The following EIF2AK4 variants were observed in gnomAD, a reference collection of about 807,000 sequenced individuals.
The protein encoded by EIF2AK4 is eukaryotic translation initiation factor 2 alpha kinase 4, also known as eIF-2-alpha kinase GCN2.
Under a neutral mutation model 211.1 loss-of-function variants are expected in EIF2AK4, and 139 were observed. The observed-to-expected ratio is 0.66, with a 90% CI of 0.57 to 0.76. The LOEUF is 0.76. Ranked by LOEUF, EIF2AK4 falls within the 30% of genes least tolerant of loss-of-function variation. EIF2AK4 has a pLI of 0.00. For missense variants in EIF2AK4, 1,664 were observed against 2,043.8 expected, an observed-to-expected ratio of 0.81 and a Z score of 3.58; for synonymous variants, 710 against 751.3, an observed-to-expected ratio of 0.94 and a Z score of 0.90.
intron 32 of EIF2AK4, among the ~76,000 whole-genome samples, chr15:40,024,103 GAATT>G (rs1207759186): frequency 6.6e-6 from 1 of 152,130 alleles, no homozygotes; most frequent in Non-Finnish European, 1.5e-5. Flanking sequence ...TCTTCTTGAT[GAATT>G]GTCTTCATCA....
chr15:39,999,453 A>C (rs2035063737), intron 20 of EIF2AK4, among the ~76,000 whole-genome samples: 3 of 152,192 alleles, frequency 2.0e-5, no homozygotes, highest in South Asian at 2.1e-4. Context: ...ACTTACTGAC[A>C]ATTATAATCA....
In EIF2AK4 at chr15:40,035,132, C is replaced by A. The variant is rs754900427; in HGVS notation, c.*48C>A. ...TCATTCAAACAGACAGAGGCTTATA[C>A]TGGAATAATGGAATGTTGTACATTC... On this transcript the variant is annotated 3_prime_UTR_variant, in exon 39 of 39. Transcript: ENST00000263791. The A allele has an allele frequency of 7.5e-7, 1 of 1,331,446 alleles. No homozygotes were observed. Among genetic ancestry groups the A allele is most frequent in the East Asian group, 2.4e-5 (1 of 42,246 alleles). The allele number at this position is 1,331,446 out of a possible 1,614,324, so 82.5% of individuals were successfully genotyped here.
intron 7 of EIF2AK4, among the ~76,000 whole-genome samples, chr15:39,964,484 T>A (rs1421890890): frequency 6.6e-6 from 1 of 152,176 alleles, no homozygotes; most frequent in Non-Finnish European, 1.5e-5. Flanking sequence ...TATTGGCATC[T>A]AGTGGGTAGA....
At position 40,034,461 on chromosome 15, in the gene EIF2AK4, G is replaced by C; in HGVS notation, c.4892+17G>C. ...AGAAAAAAAGTAAGTTATCACTTGG[G>C]CATAGCAGGGTTCACATGGTTAAAA... On this transcript the variant is annotated intron_variant, in intron 38 of 38. Coordinates refer to ENST00000263791, the MANE Select transcript of EIF2AK4 (RefSeq NM_001013703.4). 2 of 1,586,964 alleles carry C rather than the reference G, an allele frequency of 1.3e-6. No homozygotes were observed. The highest frequency in any genetic ancestry group is 1.7e-6 in the Non-Finnish European group (2 of 1,155,790).
At chr15:40,021,832 C>T (rs1191764679) in intron 31 of EIF2AK4, 1 of 152,434 alleles carries the variant, frequency 6.6e-6, no homozygotes, top group Non-Finnish European at 1.5e-5. Flanking sequence ...CACAGACCCA[C>T]CACCCTCCCA....
intron 18 of EIF2AK4, among the ~76,000 whole-genome samples, chr15:39,995,216 G>T (rs1012796870): frequency 6.6e-6 from 1 of 152,098 alleles, no homozygotes; most frequent in African/African-American, 2.4e-5. Flanking sequence ...TGAGTGGTGG[G>T]ATCATGAGAT....
chr15:40,035,037 CTAT>C lies in EIF2AK4; in HGVS notation c.4905_4907del (p.Phe1636del). 1 of 1,582,288 alleles carries C rather than the reference CTAT, an allele frequency of 6.3e-7. No homozygotes were observed. Among genetic ancestry groups the C allele is most frequent in the Non-Finnish European group, 8.6e-7 (1 of 1,165,396 alleles). ...TCTTTTCTTTTGCAGGGTGTCTGTGCTATTTCTGTACAGCTATAGAGATGACTA... is the reference window on the plus strand; with the variant it reads ...TCTTTTCTTTTGCAGGGTGTCTGTGCTTCTGTACAGCTATAGAGATGACTA... On this transcript the variant is annotated inframe_deletion, in exon 39 of 39. Transcript: ENST00000263791.
At chr15:39,956,889 G>C (rs1390227076) in intron 6 of EIF2AK4, among the ~76,000 whole-genome samples, 1 of 152,086 alleles carries the variant, frequency 6.6e-6, no homozygotes, top group Non-Finnish European at 1.5e-5. Flanking sequence ...TTATTAGAAG[G>C]AGCCATTTTA....
At chr15:40,022,365 G>T (rs1432038118) in intron 31 of EIF2AK4, 154 bp from the exon 32 acceptor site, 5 of 614,782 alleles carry the variant, frequency 8.1e-6, no homozygotes, top group African/African-American at 1.9e-5. Flanking sequence ...ATTCTATGCG[G>T]CTTCTTGCTT....
At chr15:39,943,349 CTCT>C in intron 2 of EIF2AK4, 31 bp from the exon 3 acceptor site, 4 of 1,117,316 alleles carry the variant, frequency 3.6e-6, no homozygotes, top group Non-Finnish European at 3.7e-6. Flanking sequence ...TCTGGAGTAA[CTCT>C]TTTTTTTTTT....
intron 4 of EIF2AK4, among the ~76,000 whole-genome samples, chr15:39,952,294 CTTT>C (rs5812148): frequency 9.4e-5 from 12 of 127,960 alleles, no homozygotes; most frequent in Non-Finnish European, 1.0e-4. Context: ...GATTTTTTTT[CTTT>C]TTTTTTTTTT....
chr15:39,996,933 C>A, intron 18 of EIF2AK4, 31 bp from the exon 19 acceptor site: 1 of 1,421,342 alleles, frequency 7.0e-7, no homozygotes, highest in Non-Finnish European at 9.9e-7. Context: ...CATATCAAGG[C>A]TCTCTAAATG....
chr15:40,005,756 A>G (rs931262917), intron 23 of EIF2AK4, among the ~76,000 whole-genome samples: 2 of 151,826 alleles, frequency 1.3e-5, no homozygotes, highest in African/African-American at 4.8e-5. Context: ...TATTTTTAGT[A>G]GAGACAGTGT....
At chr15:39,967,023 G>T (rs865962520) in intron 8 of EIF2AK4, among the ~76,000 whole-genome samples, 1 of 152,100 alleles carries the variant, frequency 6.6e-6, no homozygotes, top group Admixed American at 6.5e-5. Flanking sequence ...TACCTCAAAA[G>T]AATTTTATTT....
chr15:39,957,539 T>C (rs2034408390), intron 6 of EIF2AK4, among the ~76,000 whole-genome samples: 1 of 152,198 alleles, frequency 6.6e-6, no homozygotes, highest in Non-Finnish European at 1.5e-5. Flanking sequence ...TCTACCCTAT[T>C]TCCCTGCTTT....
intron 13 of EIF2AK4, among the ~76,000 whole-genome samples, chr15:39,978,616 G>A (rs1206120029): frequency 1.3e-5 from 2 of 152,172 alleles, no homozygotes; most frequent in Non-Finnish European, 2.9e-5. Context: ...ATGCAGGGGT[G>A]TCCAAGCTTT....
At chr15:40,007,748 G>C (rs185752304) in intron 24 of EIF2AK4, among the ~76,000 whole-genome samples, 9 of 152,274 alleles carry the variant, frequency 5.9e-5, no homozygotes, top group Admixed American at 5.9e-4. Flanking sequence ...TCCCTGTGTA[G>C]AAAGCAATCA....
chr15:40,013,578 G>A (rs1004653709), intron 27 of EIF2AK4, among the ~76,000 whole-genome samples: 1 of 152,246 alleles, frequency 6.6e-6, no homozygotes, highest in South Asian at 2.1e-4. Flanking sequence ...GATGGCAGAA[G>A]GCAAAGAGAG....
intron 12 of EIF2AK4, 169 bp downstream of exon 12, chr15:39,977,013 C>A: frequency 1.2e-6 from 1 of 804,964 alleles, no homozygotes; most frequent in Non-Finnish European, 1.7e-6. Flanking sequence ...GTCAGTGGCG[C>A]GTCCTTGGCT....
Sources: allele counts gnomAD v4.1 joint callset (sites outside exome capture counted in the v4.1 genomes callset), GRCh38; gene constraint gnomAD v4.1.1; transcripts MANE v1.5; gene names NCBI Gene and HGNC (gene_info 2026-07-23, HGNC 2026-07-21).